The following PARD3B variants were observed in gnomAD, a reference collection of about 807,000 sequenced individuals.
PARD3B encodes the protein par-3 family cell polarity regulator beta.
Under a neutral mutation model 130.2 loss-of-function variants are expected in PARD3B, and 103 were observed. The observed-to-expected ratio is 0.79, with a 90% CI of 0.67 to 0.93. The LOEUF is 0.93. Ranked by LOEUF, PARD3B falls within the 40% of genes least tolerant of loss-of-function variation. PARD3B has a pLI of 0.00. For missense variants in PARD3B, 1,609 were observed against 1,499.2 expected (o/e 1.07, Z -1.21); for synonymous variants, 583 against 553.2 (o/e 1.05, Z -0.76).
At chr2:205,036,979 TAAA>T (rs200233243) in intron 3 of PARD3B, among the ~76,000 whole-genome samples, 1 of 149,660 alleles carries the variant, frequency 6.7e-6, no homozygotes, top group African/African-American at 2.5e-5. Flanking sequence ...ACTGTATATA[TAAA>T]AAACATATAT....
rs78157871 is a variant in PARD3B at position 205,548,855 on chromosome 2, C to T, written c.3181-4469C>T. Among the ~76,000 whole-genome samples, 427 of 152,070 alleles carry T rather than the reference C, an allele frequency of 2.8e-3. 11 individuals are homozygous for T. In the East Asian group the frequency reaches 0.036, roughly 13 times the overall value. On this transcript the variant is annotated intron_variant, in intron 21 of 22. Coordinates refer to ENST00000406610, the MANE Select transcript of PARD3B (RefSeq NM_001302769.2). ...GAGAAGCTACAGATTGGGAGAAAAA[C>T]GTTTGCAAAACACACATCTGATAAT...
intron 2 of PARD3B, among the ~76,000 whole-genome samples, chr2:204,949,579 C>T (rs1337726001): frequency 6.6e-6 from 1 of 152,156 alleles, no homozygotes; most frequent in African/African-American, 2.4e-5. Context: ...ACCTCAGCCT[C>T]CTGAAGTGCT....
intron 2 of PARD3B, among the ~76,000 whole-genome samples, chr2:204,916,378 G>C (rs1277000624): frequency 2.6e-5 from 4 of 152,070 alleles, no homozygotes; most frequent in African/African-American, 7.2e-5. Context: ...ATCATGTATA[G>C]CATTTTGTGT....
chr2:204,699,977 T>G (rs1182321955), intron 2 of PARD3B, among the ~76,000 whole-genome samples: 1 of 152,122 alleles, frequency 6.6e-6, no homozygotes, highest in East Asian at 1.9e-4. Context: ...TAACAGAAAA[T>G]GTATCAAGTT....
At chr2:205,170,589 C>A (rs2035107279) in intron 11 of PARD3B, among the ~76,000 whole-genome samples, 1 of 152,182 alleles carries the variant, frequency 6.6e-6, no homozygotes, top group African/African-American at 2.4e-5. Flanking sequence ...AGTGTGTCTT[C>A]ACCAGGGCAT....
chr2:205,064,090 G>C (rs532293614), intron 4 of PARD3B, among the ~76,000 whole-genome samples: 1 of 152,270 alleles, frequency 6.6e-6, no homozygotes, highest in East Asian at 1.9e-4. Context: ...ATCGCATTGA[G>C]GAGAACATGC....
intron 20 of PARD3B, among the ~76,000 whole-genome samples, chr2:205,481,426 T>C (rs1372890119): frequency 6.6e-6 from 1 of 152,080 alleles, no homozygotes; most frequent in Non-Finnish European, 1.5e-5. Context: ...GGAAGGCTAA[T>C]GTGGGAATGT....
intron 2 of PARD3B, among the ~76,000 whole-genome samples, chr2:204,961,766 A>C (rs1363452304): frequency 6.6e-6 from 1 of 152,172 alleles, no homozygotes; most frequent in Non-Finnish European, 1.5e-5. Flanking sequence ...TGCAGAAAGT[A>C]CTTTGAGAAG....
intron 15 of PARD3B, among the ~76,000 whole-genome samples, chr2:205,207,342 G>A (rs2037375676): frequency 6.9e-6 from 1 of 145,398 alleles, no homozygotes; most frequent in Non-Finnish European, 1.5e-5. Context: ...TCAAAAGCTA[G>A]CAGAAGGCAA....
chr2:205,178,178 A>AAAAAAAAG (rs2035583674), intron 13 of PARD3B, among the ~76,000 whole-genome samples: 1 of 137,428 alleles, frequency 7.3e-6, no homozygotes, highest in Non-Finnish European at 1.6e-5. Flanking sequence ...AAAAAAAAAA[A>AAAAAAAAG]TTAGTCTGAT....
At chr2:204,819,006 G>T (rs998173819) in intron 2 of PARD3B, among the ~76,000 whole-genome samples, 3 of 152,186 alleles carry the variant, frequency 2.0e-5, no homozygotes, top group African/African-American at 7.2e-5. Flanking sequence ...TGTGGTGGTG[G>T]ATTAGAGCTA....
At position 205,440,295 on chromosome 2, in the gene PARD3B, A is replaced by G. The variant is rs2047665971; in HGVS notation, c.2742-75A>G. On this transcript the variant is annotated intron_variant, in intron 19 of 22. Coordinates refer to ENST00000406610, the MANE Select transcript of PARD3B (RefSeq NM_001302769.2). The surrounding 1 kb of genome is among the most constrained non-coding windows in gnomAD (Gnocchi z 4.2). ...TAAGAGACGAGGAAGAGTTAACATA[A>G]ATTCAAGAGAGTATTTCATTGTATT... 7.0e-7 allele frequency: 1 copy of G among 1,421,368 alleles called. No individual in the cohort carries two copies. Among genetic ancestry groups the G allele is most frequent in the Non-Finnish European group, 9.7e-7 (1 of 1,030,894 alleles). The allele number at this position is 1,421,368 out of a possible 1,614,324, so 88.0% of individuals were successfully genotyped here. A position where few individuals can be genotyped will look rare whatever the true frequency, so the allele number is the denominator to read the frequency against.
intron 2 of PARD3B, among the ~76,000 whole-genome samples, chr2:204,919,644 G>A (rs956721567): frequency 3.9e-5 from 6 of 152,092 alleles, no homozygotes; most frequent in African/African-American, 9.7e-5. Context: ...CCTTCCTCCT[G>A]ATAATGGACA....
chr2:204,913,233 C>T (rs1228003780), intron 2 of PARD3B, among the ~76,000 whole-genome samples: 1 of 152,114 alleles, frequency 6.6e-6, no homozygotes, highest in Non-Finnish European at 1.5e-5. Context: ...TGGAAATATT[C>T]TGTTGTATCC....
chr2:205,547,170 A>G (rs1176805848), intron 21 of PARD3B, among the ~76,000 whole-genome samples: 1 of 152,158 alleles, frequency 6.6e-6, no homozygotes, highest in Non-Finnish European at 1.5e-5. Context: ...ACACTAATAC[A>G]TGTTTACATA....
At chr2:204,662,793 A>G (rs899223355) in intron 1 of PARD3B, among the ~76,000 whole-genome samples, 7 of 152,214 alleles carry the variant, frequency 4.6e-5, no homozygotes, top group African/African-American at 1.7e-4. Context: ...AGACACCAGC[A>G]GTTTGACCCG....
chr2:204,901,982 A>G (rs538714812), intron 2 of PARD3B, among the ~76,000 whole-genome samples: 76 of 152,074 alleles, frequency 5.0e-4, no homozygotes, highest in African/African-American at 1.7e-3. Context: ...TTGCAAGACA[A>G]TGTCCTCTCT....
intron 18 of PARD3B, among the ~76,000 whole-genome samples, chr2:205,339,018 GC>G (rs2043419982): frequency 6.6e-6 from 1 of 152,144 alleles, no homozygotes. Flanking sequence ...ATCTCTGGTA[GC>G]CTCTATTAAC....
intron 2 of PARD3B, among the ~76,000 whole-genome samples, chr2:204,810,363 A>G (rs1382041010): frequency 6.6e-6 from 1 of 152,118 alleles, no homozygotes; most frequent in South Asian, 2.1e-4. Context: ...CCCATTCAGT[A>G]TGATGTTGGC....
Sources: gnomAD v4.1 joint callset for allele counts (sites outside exome capture counted in the v4.1 genomes callset) on GRCh38, gnomAD v4.1.1 for gene constraint, Gnocchi (gnomAD v3.1) non-coding constraint, MANE v1.5 for transcripts, NCBI Gene and HGNC (gene_info 2026-07-23, HGNC 2026-07-21) for gene names.